The following RASGRF2 variants were observed in gnomAD, a reference collection of about 807,000 sequenced individuals.
RASGRF2 encodes the protein Ras protein specific guanine nucleotide releasing factor 2.
Under a neutral mutation model 151.0 loss-of-function variants are expected in RASGRF2, and 76 were observed. The ratio of observed to expected loss-of-function variants is 0.50; its 90% CI spans 0.42 to 0.61. The LOEUF (loss-of-function observed/expected upper bound fraction) is 0.61. Ranked by LOEUF, RASGRF2 falls within the 20% of genes least tolerant of loss-of-function variation. The pLI, the probability that RASGRF2 is intolerant of heterozygous loss-of-function variation, is 0.00. For missense variants in RASGRF2, 1,148 were observed against 1,564.6 expected (o/e 0.73, Z 4.49); for synonymous variants, 504 against 566.5 (o/e 0.89, Z 1.57).
chr5:81,070,642 G>A (rs111647051), intron 4 of RASGRF2, 61 bp downstream of exon 4: 3 of 1,439,940 alleles, frequency 2.1e-6, no homozygotes, highest in Non-Finnish European at 2.9e-6. Context: ...GTTCTATGGT[G>A]GTGTCTTTGC....
chr5:81,102,650 A>G (rs574096472), intron 12 of RASGRF2, among the ~76,000 whole-genome samples: 91 of 151,476 alleles, frequency 6.0e-4, no homozygotes, highest in African/African-American at 2.1e-3. Context: ...AGCCGAGATC[A>G]TGCCACTGCA....
At chr5:81,154,217 T>C (rs1200517943) in intron 17 of RASGRF2, among the ~76,000 whole-genome samples, 1 of 152,152 alleles carries the variant, frequency 6.6e-6, no homozygotes, top group Non-Finnish European at 1.5e-5. Context: ...CTTGACCTAA[T>C]AGACATATAT....
intron 1 of RASGRF2, among the ~76,000 whole-genome samples, chr5:80,965,192 C>T (rs112261184): frequency 7.9e-5 from 12 of 152,042 alleles, no homozygotes; most frequent in African/African-American, 2.4e-4. Context: ...TTTTAATCAT[C>T]GAATGAATTA....
chr5:81,121,227 G>A (rs550084117), intron 15 of RASGRF2, among the ~76,000 whole-genome samples: 4 of 152,236 alleles, frequency 2.6e-5, no homozygotes, highest in East Asian at 1.9e-4. Flanking sequence ...AGATGTTTGC[G>A]TGTATCACAT....
chr5:81,189,514 G>A (rs1755107888), intron 18 of RASGRF2, among the ~76,000 whole-genome samples: 1 of 149,910 alleles, frequency 6.7e-6, no homozygotes, highest in African/African-American at 2.5e-5. Flanking sequence ...TTTAAGAGAT[G>A]GGGTCTTGTT....
chr5:81,093,979 G>A (rs538278137), intron 10 of RASGRF2, among the ~76,000 whole-genome samples: 5 of 152,152 alleles, frequency 3.3e-5, no homozygotes, highest in African/African-American at 1.2e-4. Context: ...TTCCTGGTTG[G>A]TGAGTTCAGC....
chr5:80,992,093 A>G (rs556724639), intron 1 of RASGRF2, among the ~76,000 whole-genome samples: 20 of 129,186 alleles, frequency 1.5e-4, no homozygotes, highest in Non-Finnish European at 3.2e-4. Flanking sequence ...CTCCTCCCCT[A>G]TCCTGGACCA....
chr5:81,164,808 C>G (rs1754467660), intron 17 of RASGRF2, among the ~76,000 whole-genome samples: 1 of 152,128 alleles, frequency 6.6e-6, no homozygotes, highest in African/African-American at 2.4e-5. Context: ...TGAAATTCCT[C>G]TATAGGAGTT....
intron 15 of RASGRF2, 87 bp from the exon 16 acceptor site, chr5:81,123,555 A>G: frequency 6.9e-7 from 1 of 1,452,156 alleles, no homozygotes; most frequent in Non-Finnish European, 9.4e-7. Context: ...TATTATCTGT[A>G]ATGAACTTTT....
At chr5:81,081,148 A>G (rs1752074054) in intron 7 of RASGRF2, among the ~76,000 whole-genome samples, 1 of 152,182 alleles carries the variant, frequency 6.6e-6, no homozygotes, top group Admixed American at 6.5e-5. Flanking sequence ...ATTCTGTGCA[A>G]ATGTTCCAGT....
intron 15 of RASGRF2, among the ~76,000 whole-genome samples, chr5:81,115,535 C>T (rs1271241833): frequency 6.6e-6 from 1 of 152,210 alleles, no homozygotes; most frequent in African/African-American, 2.4e-5. Context: ...GTTTTTTCAC[C>T]TTCTTTACTG....
intron 17 of RASGRF2, among the ~76,000 whole-genome samples, chr5:81,156,017 C>A (rs1476490057): frequency 6.6e-6 from 1 of 152,090 alleles, no homozygotes; most frequent in Non-Finnish European, 1.5e-5. Context: ...TGTCCAGGTA[C>A]TTTATGTTCC....
At chr5:81,129,038 C>G (rs1350994144) in intron 17 of RASGRF2, among the ~76,000 whole-genome samples, 1 of 152,154 alleles carries the variant, frequency 6.6e-6, no homozygotes, top group African/African-American at 2.4e-5. Context: ...ACTTGGGAGG[C>G]TGAGGCAGGA....
At chr5:81,125,691 T>C in intron 16 of RASGRF2, among the ~76,000 whole-genome samples, 1 of 152,240 alleles carries the variant, frequency 6.6e-6, no homozygotes, top group East Asian at 1.9e-4. Context: ...ATTAGAACTC[T>C]ACTTTATATT....
chr5:81,208,230 T>C (rs1244822235), intron 21 of RASGRF2, 124 bp from the exon 22 acceptor site: 1 of 690,890 alleles, frequency 1.4e-6, no homozygotes, highest in Non-Finnish European at 2.4e-6. Flanking sequence ...CAGCAGCAGG[T>C]GTCAGGAACC....
chr5:81,124,669 A>G (rs1753402782), intron 16 of RASGRF2, among the ~76,000 whole-genome samples: 1 of 149,344 alleles, frequency 6.7e-6, no homozygotes, highest in African/African-American at 2.5e-5. Flanking sequence ...GTTTGGGAAC[A>G]TAATAAATGT....
chr5:81,188,488 C>T (rs1157988693), intron 18 of RASGRF2, among the ~76,000 whole-genome samples: 2 of 152,034 alleles, frequency 1.3e-5, no homozygotes, highest in Admixed American at 6.5e-5. Context: ...AGTTTGGTAT[C>T]GGTTTAGTTA....
intron 18 of RASGRF2, among the ~76,000 whole-genome samples, chr5:81,197,099 A>G (rs973365268): frequency 3.9e-5 from 6 of 152,214 alleles, no homozygotes; most frequent in Non-Finnish European, 8.8e-5. Context: ...ATTGACATCT[A>G]TGTTGCTCCT....
At chr5:81,027,034 T>C (rs1750060124) in intron 1 of RASGRF2, among the ~76,000 whole-genome samples, 1 of 152,206 alleles carries the variant, frequency 6.6e-6, no homozygotes, top group South Asian at 2.1e-4. Context: ...TTTTTAAAAG[T>C]TGAGATATAA....
Sources: gnomAD v4.1 joint callset for allele counts (sites outside exome capture counted in the v4.1 genomes callset) on GRCh38, gnomAD v4.1.1 for gene constraint, MANE v1.5 for transcripts, NCBI Gene and HGNC (gene_info 2026-07-23, HGNC 2026-07-21) for gene names.